Variants in DTNA observed in about 807,000 individuals in gnomAD.
DTNA encodes the protein dystrobrevin alpha, also known as dystrophin-related protein 3.
A neutral mutation model predicts 100.7 loss-of-function variants in DTNA; 43 were observed. That is an observed-to-expected ratio of 0.43 (90% CI 0.33 to 0.55). The LOEUF (loss-of-function observed/expected upper bound fraction) is 0.55, where lower values mean the gene tolerates loss of function less well. Ranked by LOEUF, DTNA falls within the 20% of genes least tolerant of loss-of-function variation. The pLI, the probability that DTNA is intolerant of heterozygous loss-of-function variation, is 0.04. For missense variants in DTNA, 798 were observed against 953.9 expected, an observed-to-expected ratio of 0.84 and a Z score of 2.15; for synonymous variants, 349 against 347.9, an observed-to-expected ratio of 1.00 and a Z score of -0.04.
At chr18:34,796,905 GCCA>G (rs2094996974) in intron 4 of DTNA, among the ~76,000 whole-genome samples, 1 of 152,086 alleles carries the variant, frequency 6.6e-6, no homozygotes, top group Non-Finnish European at 1.5e-5. Context: ...CCTTCGCACA[GCCA>G]TAGCTCCCCA....
intron 1 of DTNA, among the ~76,000 whole-genome samples, chr18:34,588,481 C>T (rs983819507): frequency 5.3e-5 from 8 of 152,086 alleles, no homozygotes; most frequent in East Asian, 1.9e-4. Context: ...ATATTTCCCT[C>T]CTTGCCCTTT....
At position 34,645,843 on chromosome 18, in the gene DTNA, T is replaced by G. The variant is rs9951213; in HGVS notation, c.-1-110133T>G. On this transcript the variant is annotated intron_variant, in intron 1 of 19. Transcript: ENST00000283365. The stretch of plus-strand genomic sequence containing the variant: ...TCCACTCTTTAACTCGTTTTCTAGT[T>G]TTTTAACCATTTTTTGAAAAAATTG... Among the ~76,000 whole-genome samples, 706 of 152,290 alleles carry G rather than the reference T, an allele frequency of 4.6e-3. 6 individuals carry two copies. The highest frequency in any genetic ancestry group is 0.016 in the African/African-American group (675 of 41,568).
chr18:34,541,391 G>A (rs1394394243), intron 1 of DTNA, among the ~76,000 whole-genome samples: 1 of 151,966 alleles, frequency 6.6e-6, no homozygotes, highest in Non-Finnish European at 1.5e-5. Flanking sequence ...TAATCCCCAC[G>A]TGTCATGGGC....
At chr18:34,676,650 CAT>C (rs1347190228) in intron 1 of DTNA, among the ~76,000 whole-genome samples, 2 of 152,076 alleles carry the variant, frequency 1.3e-5, no homozygotes, top group African/African-American at 2.4e-5. Flanking sequence ...GCCTGGGCAA[CAT>C]AGCAAAATCT....
chr18:34,596,865 T>A (rs879025988), intron 1 of DTNA, among the ~76,000 whole-genome samples: 3 of 152,200 alleles, frequency 2.0e-5, no homozygotes, highest in Non-Finnish European at 1.5e-5. Context: ...TTCTTTTTTT[T>A]AATTATACGC....
At chr18:34,627,935 A>T (rs1052840672) in intron 1 of DTNA, among the ~76,000 whole-genome samples, 8 of 151,788 alleles carry the variant, frequency 5.3e-5, no homozygotes, top group Non-Finnish European at 1.2e-4. Context: ...CTGTATGCTA[A>T]TTTTTTTTGT....
Position 34,848,365 on chromosome 18 carries a change from A to C in DTNA, c.1416A>C (p.Ala472=). The part of the protein sequence containing the change: ...RLIARYAARL[A]AESSSSQPPQ... ...TTGCCAGGTATGCGGCAAGGCTGGCAGCAGAGTCCTCTTCGTCTGTAAGTA... is the reference window on the plus strand; with the variant it reads ...TTGCCAGGTATGCGGCAAGGCTGGCCGCAGAGTCCTCTTCGTCTGTAAGTA... The change falls in exon 14 of 23, where the codon GCA becomes GCC. Residue 472 remains alanine (A), a synonymous_variant. Transcript: ENST00000444659. 1.9e-6 allele frequency: 3 copies of C among 1,614,030 alleles called. No individual in the cohort carries two copies. The African/African-American group carries it at 4.0e-5, about 22-fold the overall frequency.
Position 34,819,874 on chromosome 18 carries a change from A to G in DTNA, c.877-917A>G, listed in dbSNP as rs536841817. Among the ~76,000 whole-genome samples, 29 of 152,012 alleles carry G rather than the reference A, an allele frequency of 1.9e-4. No individual in the cohort carries two copies. In the South Asian group the frequency reaches 3.5e-3, roughly 19 times the overall value. On this transcript the variant is annotated intron_variant, in intron 8 of 22. Transcript: ENST00000444659. ...CACTTCATTATATTACCAATTATGG[A>G]CTCTAGGTATAAAAGAAAGTGACAA...
intron 17 of DTNA, among the ~76,000 whole-genome samples, chr18:34,865,049 T>A (rs2096679723): frequency 6.6e-6 from 1 of 152,312 alleles, no homozygotes; most frequent in East Asian, 1.9e-4. Context: ...TCATCCTGCC[T>A]GATATAAACA....
Position 34,890,062 on chromosome 18 carries a change from C to T in DTNA, c.*2328C>T, listed in dbSNP as rs898824554. The T allele has an allele frequency of 1.7e-5, 23 of 1,349,806 alleles. No homozygotes were observed. Among genetic ancestry groups the T allele is most frequent in the Admixed American group, 3.3e-5 (1 of 30,572 alleles). 83.6% of individuals were successfully genotyped at this position (1,349,806 alleles called of 1,614,324 possible). A position where few individuals can be genotyped will look rare whatever the true frequency, so the allele number is the denominator to read the frequency against. ...CAGAACTTAAATCCTGCACGTGGCA[C>T]TCCACCACTGACTGGACCGAGCTGG... is the stretch of plus-strand genomic sequence containing the variant. On this transcript the variant is annotated 3_prime_UTR_variant, in exon 23 of 23. Coordinates refer to ENST00000444659, the MANE Select transcript of DTNA (RefSeq NM_001386795.1).
At chr18:34,882,688 G>C (rs1033447727) in intron 21 of DTNA, among the ~76,000 whole-genome samples, 1 of 152,066 alleles carries the variant, frequency 6.6e-6, no homozygotes, top group African/African-American at 2.4e-5. Context: ...CACTCACCAT[G>C]TATTCTTTTA....
At chr18:34,567,639 A>G (rs1176808825) in intron 1 of DTNA, among the ~76,000 whole-genome samples, 1 of 152,180 alleles carries the variant, frequency 6.6e-6, no homozygotes, top group African/African-American at 2.4e-5. Context: ...CAACAGGTCA[A>G]CAGCTTTTGT....
upstream of DTNA, among the ~76,000 whole-genome samples, chr18:34,708,731 G>C (rs1169447702): frequency 6.6e-6 from 1 of 152,198 alleles, no homozygotes; most frequent in African/African-American, 2.4e-5. Flanking sequence ...GGGAAGTCAC[G>C]TGCCAGTCAG....
intron 1 of DTNA, among the ~76,000 whole-genome samples, chr18:34,538,577 T>A (rs940425556): frequency 2.0e-5 from 3 of 152,024 alleles, no homozygotes; most frequent in Non-Finnish European, 2.9e-5. Flanking sequence ...TAATAACCTG[T>A]TTGTTTTAGT....
chr18:34,687,945 G>A (rs1278914750), intron 1 of DTNA, among the ~76,000 whole-genome samples: 1 of 151,976 alleles, frequency 6.6e-6, no homozygotes. Flanking sequence ...TTTTATCAGA[G>A]ACGAGGATTG....
chr18:34,804,728 T>C (rs2095315963), intron 4 of DTNA, among the ~76,000 whole-genome samples: 1 of 152,148 alleles, frequency 6.6e-6, no homozygotes, highest in Non-Finnish European at 1.5e-5. Context: ...TTGAACATAC[T>C]TAGTTTGGCA....
chr18:34,707,334 A>G (rs1206013789), upstream of DTNA, among the ~76,000 whole-genome samples: 1 of 152,178 alleles, frequency 6.6e-6, no homozygotes, highest in Non-Finnish European at 1.5e-5. Flanking sequence ...AATTCTTCAT[A>G]TGAAATTAAG....
At chr18:34,685,993 C>G (rs905986683) in intron 1 of DTNA, among the ~76,000 whole-genome samples, 2 of 152,126 alleles carry the variant, frequency 1.3e-5, no homozygotes, top group African/African-American at 2.4e-5. Flanking sequence ...GGTTTTGTAT[C>G]CTGACACTTT....
At chr18:34,866,520 A>G in intron 17 of DTNA, 2 of 1,135,860 alleles carry the variant, frequency 1.8e-6, no homozygotes, top group Non-Finnish European at 2.2e-6. Flanking sequence ...ATGTCATCCC[A>G]AAACCCACAG....
Sources: gnomAD v4.1 joint callset for allele counts (sites outside exome capture counted in the v4.1 genomes callset) on GRCh38, gnomAD v4.1.1 for gene constraint, MANE v1.5 for transcripts, NCBI Gene and HGNC (gene_info 2026-07-23, HGNC 2026-07-21) for gene names.